The following MED13L variants were observed in gnomAD, a reference collection of about 807,000 sequenced individuals.
MED13L encodes mediator of RNA polymerase II transcription subunit 13-like.
Under a neutral mutation model 220.9 loss-of-function variants are expected in MED13L, and 7 were observed. The observed-to-expected ratio is 0.03, with a 90% CI of 0.02 to 0.06. The LOEUF (loss-of-function observed/expected upper bound fraction) is 0.06, where lower values mean the gene tolerates loss of function less well. Among genes scored for constraint, MED13L ranks in the 10% least tolerant of loss-of-function variants. The probability of loss-of-function intolerance (pLI) is 1.00; values close to 1 mark genes in which losing one functional copy is unlikely to be tolerated. For synonymous variants in MED13L, 1,011 were observed against 1,015.2 expected, an observed-to-expected ratio of 1.00 and a Z score of 0.08; for missense variants, 1,965 against 2,760.5, an observed-to-expected ratio of 0.71 and a Z score of 6.46.
chr12:116,123,426 A>G (rs1875266381), intron 2 of MED13L, among the ~76,000 whole-genome samples: 1 of 152,212 alleles, frequency 6.6e-6, no homozygotes, highest in Admixed American at 6.5e-5. Flanking sequence ...ACAAATAAAC[A>G]TTTTATAAAC....
Position 116,234,782 on chromosome 12 carries a change from C to T in MED13L, c.310+2686G>A, listed in dbSNP as rs534024618. On this transcript the variant is annotated intron_variant, in intron 2 of 30. Transcript: ENST00000281928. ...AAGTGATCCTCCAGCCCCAGTCACC[C>T]GAGTAGTTGGAATTACAGGTGCACG... Among the ~76,000 whole-genome samples the T allele has an allele frequency of 1.1e-3, 165 of 151,868 alleles. 1 individual carries two copies. In the South Asian group the frequency reaches 0.024, roughly 22 times the overall value.
At chr12:116,239,626 T>C (rs1870430818) in intron 1 of MED13L, among the ~76,000 whole-genome samples, 1 of 152,236 alleles carries the variant, frequency 6.6e-6, no homozygotes, top group East Asian at 1.9e-4. Flanking sequence ...CTGTAATTAC[T>C]ATAATTGGTT....
chr12:116,050,262 T>C (rs542359710), intron 4 of MED13L, among the ~76,000 whole-genome samples: 1 of 152,200 alleles, frequency 6.6e-6, no homozygotes, highest in African/African-American at 2.4e-5. Context: ...GACAAGTATA[T>C]ACATTTAGAA....
At position 116,031,742 on chromosome 12, in the gene MED13L, A is replaced by AAG. The variant is rs1555251737; in HGVS notation, c.480-9142_480-9141insCT. On this transcript the variant is annotated intron_variant, in intron 4 of 30. Coordinates refer to ENST00000281928, the MANE Select transcript of MED13L (RefSeq NM_015335.5). The stretch of plus-strand genomic sequence containing the variant: ...AAAGAAAAGAAAAGAAAAGAAAAGA[A>AAG]AAGAAAAGAAAAGAAAAGAAGGAAG... 3.9e-3 allele frequency among the ~76,000 whole-genome samples: 252 copies of AAG among 64,826 alleles called. 13 individuals carry two copies. Among genetic ancestry groups the AAG allele is most frequent in the East Asian group, 8.5e-3 (15 of 1,774 alleles). 42.5% of individuals were successfully genotyped at this position (64,826 alleles called of 152,430 possible).
intron 28 of MED13L, among the ~76,000 whole-genome samples, chr12:115,968,712 T>A (rs535183777): frequency 6.6e-6 from 1 of 152,380 alleles, no homozygotes; most frequent in South Asian, 2.1e-4. Context: ...GTAATAGGAC[T>A]ATTCTTCTGA....
At chr12:116,178,553 C>T (rs1010580268) in intron 2 of MED13L, among the ~76,000 whole-genome samples, 2 of 152,188 alleles carry the variant, frequency 1.3e-5, no homozygotes, top group Non-Finnish European at 1.5e-5. Flanking sequence ...AAGTATCCAA[C>T]ATACAAACAG....
At chr12:116,120,441 TC>T in intron 2 of MED13L, among the ~76,000 whole-genome samples, 1 of 60,148 alleles carries the variant, frequency 1.7e-5, no homozygotes, top group South Asian at 8.0e-4. Context: ...AATCTCTCTT[TC>T]TCTCTCTCTC....
intron 4 of MED13L, among the ~76,000 whole-genome samples, chr12:116,062,417 A>G (rs1458750909): frequency 5.4e-5 from 8 of 149,052 alleles, no homozygotes; most frequent in African/African-American, 2.0e-4. Flanking sequence ...ACCTCCCTCT[A>G]TTGGTTTTCT....
intron 4 of MED13L, among the ~76,000 whole-genome samples, chr12:116,076,065 T>C (rs937897064): frequency 6.6e-6 from 1 of 151,768 alleles, no homozygotes; most frequent in East Asian, 1.9e-4. Context: ...AGGCGCCCGC[T>C]ACCACGCCCG....
At chr12:116,141,924 G>GC (rs971304665) in intron 2 of MED13L, among the ~76,000 whole-genome samples, 40 of 151,668 alleles carry the variant, frequency 2.6e-4, no homozygotes, top group South Asian at 2.3e-3. Flanking sequence ...CCAGCTTCAC[G>GC]CCCACTGCTC....
Position 115,996,689 on chromosome 12 carries a change from A to G in MED13L, c.2791-8T>C. ...GTGCACATATGAAAAGTCCTGTGACAACAAAGTGGGGTCAGTGTTAATATT... is the reference window on the plus strand; with the variant it reads ...GTGCACATATGAAAAGTCCTGTGACGACAAAGTGGGGTCAGTGTTAATATT... On this transcript the variant is annotated splice_region_variant and splice_polypyrimidine_tract_variant and intron_variant, in intron 15 of 30. Coordinates refer to ENST00000281928, the MANE Select transcript of MED13L (RefSeq NM_015335.5). The G allele has an allele frequency of 6.2e-7, 1 of 1,608,392 alleles. No homozygotes were observed.
At chr12:116,003,905 G>A (rs751001887) in intron 13 of MED13L, among the ~76,000 whole-genome samples, 4 of 152,082 alleles carry the variant, frequency 2.6e-5, no homozygotes, top group Non-Finnish European at 4.4e-5. Flanking sequence ...AAGGTAAACC[G>A]CTCATGTGAT....
intron 4 of MED13L, among the ~76,000 whole-genome samples, chr12:116,038,744 C>CAAAAAAAAAAAAAAAAAAAAAA (rs63703461): frequency 9.3e-5 from 7 of 75,262 alleles, no homozygotes; most frequent in African/African-American, 3.6e-4. Context: ...GTCAAAAGGC[C>CAAAAAAAAAAAAAAAAAAAAAA]AAAAAAAAAA....
intron 2 of MED13L, among the ~76,000 whole-genome samples, chr12:116,155,401 T>C (rs1404082218): frequency 6.6e-6 from 1 of 152,090 alleles, no homozygotes; most frequent in Non-Finnish European, 1.5e-5. Flanking sequence ...CCAACCTGAG[T>C]GACAGAGCAA....
Position 115,983,415 on chromosome 12 carries a change from A to G in MED13L, c.4657T>C (p.Ser1553Pro). Residue 1553 changes from serine to proline, a missense_variant, in exon 21 of 31, where the codon TCA becomes CCA. Ser to Pro is a moderately conservative substitution (Grantham distance 74, BLOSUM62 -1). Coordinates refer to ENST00000281928, the MANE Select transcript of MED13L (RefSeq NM_015335.5). ...GCACTGCCAGCTGGGGGAGCTGCTG[A>G]TCCATTTGGAGCTAAGGGCCCAGCA... ...GNAGPLAPNGSAAPPAGSAFN... is the reference protein window; with the variant it reads ...GNAGPLAPNGPAAPPAGSAFN... The G allele has an allele frequency of 6.2e-7, 1 of 1,614,170 alleles. No individual in the cohort carries two copies. The highest frequency in any genetic ancestry group is 1.3e-5 in the African/African-American group (1 of 75,046).
At chr12:116,273,031 G>T (rs888665464) in intron 1 of MED13L, among the ~76,000 whole-genome samples, 1 of 152,198 alleles carries the variant, frequency 6.6e-6, no homozygotes, top group African/African-American at 2.4e-5. Context: ...ATAGCCAGGC[G>T]TAGTGGCTCA....
At chr12:116,241,778 C>T (rs1014961165) in intron 1 of MED13L, among the ~76,000 whole-genome samples, 1 of 152,110 alleles carries the variant, frequency 6.6e-6, no homozygotes, top group Admixed American at 6.6e-5. Context: ...AACTAAATAT[C>T]ATTATATTGG....
At chr12:116,237,949 T>C (rs967757478) in intron 1 of MED13L, among the ~76,000 whole-genome samples, 7 of 152,238 alleles carry the variant, frequency 4.6e-5, no homozygotes, top group Non-Finnish European at 1.0e-4. Context: ...CTGATAATCA[T>C]TATTTCCTGT....
intron 23 of MED13L, among the ~76,000 whole-genome samples, chr12:115,976,758 TCTTA>T (rs1319633069): frequency 6.6e-6 from 1 of 152,210 alleles, no homozygotes; most frequent in Non-Finnish European, 1.5e-5. Context: ...ATAATACACA[TCTTA>T]CTATTTAATA....
Sources: gnomAD v4.1 joint callset for allele counts (sites outside exome capture counted in the v4.1 genomes callset) on GRCh38, gnomAD v4.1.1 for gene constraint, MANE v1.5 for transcripts, NCBI Gene and HGNC (gene_info 2026-07-23, HGNC 2026-07-21) for gene names.